TRA2B: variants seen among roughly 807,000 people sequenced by gnomAD.
The protein encoded by TRA2B is transformer 2 beta homolog, also known as transformer-2 protein homolog beta.
In TRA2B, 14 loss-of-function variants were observed where a neutral mutation model predicts 41.7. The ratio of observed to expected loss-of-function variants is 0.34; its 90% CI spans 0.22 to 0.53. The LOEUF is 0.53. Among genes scored for constraint, TRA2B ranks in the 20% least tolerant of loss-of-function variants. The pLI is 0.95. For missense variants in TRA2B, 167 were observed against 396.8 expected, an observed-to-expected ratio of 0.42 and a Z score of 4.92; for synonymous variants, 130 against 128.8, an observed-to-expected ratio of 1.01 and a Z score of -0.06.
At chr3:185,935,248 G>A (rs1029241662) in intron 1 of TRA2B, 3 of 985,388 alleles carry the variant, frequency 3.0e-6, no homozygotes, top group East Asian at 1.1e-4. Flanking sequence ...AGATGAAAAC[G>A]AGATCTTACT....
chr3:185,936,835 C>T, intron 1 of TRA2B: 1 of 985,420 alleles, frequency 1.0e-6, no homozygotes, highest in South Asian at 4.7e-5. Context: ...CAGAGCCCCA[C>T]AGACCAGCTA....
chr3:185,927,212 T>G (rs943366527), intron 1 of TRA2B: 2 of 152,316 alleles, frequency 1.3e-5, no homozygotes, highest in Admixed American at 1.3e-4. Flanking sequence ...AGTTACTACT[T>G]ATAATTCAGT....
intron 6 of TRA2B, among the ~76,000 whole-genome samples, chr3:185,920,717 A>C (rs1743700897): frequency 6.6e-6 from 1 of 151,854 alleles, no homozygotes; most frequent in African/African-American, 2.4e-5. Flanking sequence ...CTAAATTTTT[A>C]TTTCTGGTAG....
rs928895974 is a variant in TRA2B at position 185,926,729 on chromosome 3, G to C, written c.42C>G (p.Ser14=). The C allele has an allele frequency of 1.2e-6, 2 of 1,613,980 alleles. No homozygotes were observed. The highest frequency in any genetic ancestry group is 3.3e-5 in the Admixed American group (2 of 60,014). The change falls in exon 2 of 9, where the codon TCC becomes TCG. Residue 14 remains serine (S), a synonymous_variant. Coordinates refer to ENST00000453386, the MANE Select transcript of TRA2B (RefSeq NM_004593.3). ...CACTTCCACTTCTGGAAGCAGAACG[G>C]GATTCCTACACGTAGATGTTAAAAG... is the stretch of plus-strand genomic sequence containing the variant. The part of the protein sequence containing the change: ...SGEQNYGERE[S]RSASRSGSAH...
chr3:185,931,869 C>G, intron 1 of TRA2B: 1 of 1,397,532 alleles, frequency 7.2e-7, no homozygotes, highest in East Asian at 2.9e-5. Flanking sequence ...AGAAAAAGAA[C>G]AGGATGAAGA....
chr3:185,935,332 A>G, intron 1 of TRA2B: 1 of 983,562 alleles, frequency 1.0e-6, no homozygotes. Flanking sequence ...GTGTTAATCT[A>G]TTACCTTTGA....
intron 1 of TRA2B, among the ~76,000 whole-genome samples, chr3:185,929,887 C>T (rs1168953996): frequency 6.6e-6 from 1 of 152,118 alleles, no homozygotes; most frequent in Non-Finnish European, 1.5e-5. Context: ...GGTTATCTTC[C>T]TGAAACACTG....
At chr3:185,931,191 T>C (rs948718551) in intron 1 of TRA2B, among the ~76,000 whole-genome samples, 4 of 152,184 alleles carry the variant, frequency 2.6e-5, no homozygotes, top group African/African-American at 9.7e-5. Context: ...TATTCTACTA[T>C]ACATTGCTCA....
Position 185,916,887 on chromosome 3 carries a change from T to G in TRA2B, c.*828A>C, listed in dbSNP as rs1061425. On this transcript the variant is annotated 3_prime_UTR_variant, in exon 9 of 9. Transcript: ENST00000453386. ...TTCAGTTCATCCATGACAGGTATAG[T>G]GTTCCCTTATCATGTACTTTGAAGC... 2 of 152,610 alleles carry G rather than the reference T, an allele frequency of 1.3e-5. No individual in the cohort carries two copies. Among genetic ancestry groups the G allele is most frequent in the African/African-American group, 4.8e-5 (2 of 41,444 alleles). The allele number at this position is 152,610 out of a possible 1,614,324, so 9.5% of individuals were successfully genotyped here.
chr3:185,934,347 G>A (rs1744265642), intron 1 of TRA2B: 2 of 985,194 alleles, frequency 2.0e-6, no homozygotes, highest in Admixed American at 6.2e-5. Context: ...AGGAAAAAAC[G>A]CTATGTAAGG....
At chr3:185,932,138 T>C (rs992174018) in intron 1 of TRA2B, among the ~76,000 whole-genome samples, 2 of 152,174 alleles carry the variant, frequency 1.3e-5, no homozygotes, top group Non-Finnish European at 2.9e-5. Context: ...TAAGAACTAT[T>C]AGTTACATTT....
chr3:185,916,204 T>C lies in TRA2B; in HGVS notation c.*1511A>G, dbSNP rs528267054. 2 of 152,324 alleles carry C rather than the reference T, an allele frequency of 1.3e-5. No homozygotes were observed. The highest frequency in any genetic ancestry group is 4.1e-4 in the South Asian group (2 of 4,830). The allele number at this position is 152,324 out of a possible 1,614,324, so 9.4% of individuals were successfully genotyped here. A position where few individuals can be genotyped will look rare whatever the true frequency, so the allele number is the denominator to read the frequency against. On this transcript the variant is annotated 3_prime_UTR_variant, in exon 9 of 9. Coordinates refer to ENST00000453386, the MANE Select transcript of TRA2B (RefSeq NM_004593.3). ...TACTGCCTATGCTCCATTACTGGTA[T>C]TTTCCATCACCCAGGTACCCAGATT...
chr3:185,931,529 G>A, intron 1 of TRA2B: 1 of 1,126,610 alleles, frequency 8.9e-7, no homozygotes, highest in Non-Finnish European at 1.1e-6. Flanking sequence ...AATAATGCAT[G>A]CATGTTTAGC....
Position 185,919,399 on chromosome 3 carries a change from ATAC to A in TRA2B, c.782+35_782+37del, listed in dbSNP as rs771811635. On this transcript the variant is annotated intron_variant, in intron 7 of 8. Transcript: ENST00000453386. ...GGCAAACATCTTTATGTGAAGCTTT[ATAC>A]TGTTGTACAGATGCTAAGTCCTCTC... 475 of 1,558,374 alleles carry A rather than the reference ATAC, an allele frequency of 3.0e-4. 1 individual carries two copies. Among genetic ancestry groups the A allele is most frequent in the Non-Finnish European group, 1.3e-4 (153 of 1,144,570 alleles).
chr3:185,925,374 T>C, intron 3 of TRA2B, 90 bp downstream of exon 3: 1 of 1,469,798 alleles, frequency 6.8e-7, no homozygotes, highest in Non-Finnish European at 9.2e-7. Context: ...ACGCACCAAC[T>C]GCTAAAGCTC....
At position 185,923,713 on chromosome 3, in the gene TRA2B, G is replaced by GTCCTTA. The variant is rs763904770; in HGVS notation, c.522+77_522+82dup. 2,091 of 1,340,588 alleles carry GTCCTTA rather than the reference G, an allele frequency of 1.6e-3. 8 individuals carry two copies. The highest frequency in any genetic ancestry group is 1.2e-3 in the Non-Finnish European group (1,148 of 986,472). 83.0% of individuals were successfully genotyped at this position (1,340,588 alleles called of 1,614,324 possible). Reference sequence around the variant, plus strand: ...TTCGAAGTATTACTGACTTGTCCTTGTCCTTATCCTAGCAATTGGTCACTG... The same window carrying GTCCTTA: ...TTCGAAGTATTACTGACTTGTCCTTGTCCTTATCCTTATCCTAGCAATTGGTCACTG... On this transcript the variant is annotated intron_variant, in intron 4 of 8. Transcript: ENST00000453386.
intron 2 of TRA2B, 96 bp from the exon 3 acceptor site, chr3:185,925,722 C>T (rs751807932): frequency 3.2e-6 from 4 of 1,263,922 alleles, no homozygotes; most frequent in East Asian, 2.5e-5. Context: ...AGGGAACAAT[C>T]CAGGAATATG....
At chr3:185,927,365 T>C (rs910644021) in intron 1 of TRA2B, 2 of 152,176 alleles carry the variant, frequency 1.3e-5, no homozygotes, top group African/African-American at 4.8e-5. Flanking sequence ...CCTAAAAAAC[T>C]GAAAGCAACC....
At chr3:185,936,553 G>A (rs994002310) in intron 1 of TRA2B, 8 of 985,232 alleles carry the variant, frequency 8.1e-6, no homozygotes, top group Non-Finnish European at 9.6e-6. Context: ...AAAATACTCT[G>A]AGGAATCATA....
Sources: allele counts gnomAD v4.1 joint callset (sites outside exome capture counted in the v4.1 genomes callset), GRCh38; gene constraint gnomAD v4.1.1; transcripts MANE v1.5; gene names NCBI Gene and HGNC (gene_info 2026-07-23, HGNC 2026-07-21).